Variants in ATP13A4 observed in about 807,000 individuals in gnomAD.
ATP13A4 encodes the protein ATPase 13A4.
Under a neutral mutation model 142.5 loss-of-function variants are expected in ATP13A4, and 114 were observed. The ratio of observed to expected loss-of-function variants is 0.80; its 90% confidence interval spans 0.69 to 0.93. ATP13A4 has a LOEUF of 0.93. ATP13A4 is among the 40% of genes least tolerant of loss of function. The pLI is 0.00. For missense variants in ATP13A4, 1,392 were observed against 1,454.0 expected (o/e 0.96, Z 0.69); for synonymous variants, 488 against 514.8 (o/e 0.95, Z 0.70).
At chr3:193,516,572 T>C (rs1426580733) in intron 1 of ATP13A4, among the ~76,000 whole-genome samples, 1 of 152,242 alleles carries the variant, frequency 6.6e-6, no homozygotes, top group Admixed American at 6.5e-5. Flanking sequence ...TCCTTACTTG[T>C]CCTGAGTCCA....
chr3:193,462,710 T>A, intron 13 of ATP13A4, 52 bp downstream of exon 13: 1 of 1,547,770 alleles, frequency 6.5e-7, no homozygotes, highest in South Asian at 1.1e-5. Flanking sequence ...ACACGGAATT[T>A]TGGAAAAAGA....
At chr3:193,476,743 G>A (rs1458815804) in intron 8 of ATP13A4, among the ~76,000 whole-genome samples, 1 of 151,934 alleles carries the variant, frequency 6.6e-6, no homozygotes, top group East Asian at 1.9e-4. Context: ...TTTTAATACT[G>A]TTGGGTCACA....
In ATP13A4 at chr3:193,499,134, C is replaced by T. The variant is rs74513858; in HGVS notation, c.381+3359G>A. ...AAGTTACCAAATAGCATGTAAAATG[C>T]TGTATTTTTTTATTTTACAGAATGG... On this transcript the variant is annotated intron_variant, in intron 3 of 29. Transcript: ENST00000342695. Among the ~76,000 whole-genome samples, 847 of 152,264 alleles carry T rather than the reference C, an allele frequency of 5.6e-3. 8 individuals are homozygous for T. Among genetic ancestry groups the T allele is most frequent in the Non-Finnish European group, 9.7e-3 (659 of 68,002 alleles).
intron 2 of ATP13A4, among the ~76,000 whole-genome samples, chr3:193,564,100 G>C (rs1448672999): frequency 1.3e-5 from 2 of 152,210 alleles, no homozygotes; most frequent in Non-Finnish European, 2.9e-5. Flanking sequence ...ATTGCTCGAA[G>C]AGTATCAGCC....
chr3:193,511,679 C>A (rs1577037340), intron 2 of ATP13A4, among the ~76,000 whole-genome samples: 1 of 152,178 alleles, frequency 6.6e-6, no homozygotes, highest in Non-Finnish European at 1.5e-5. Flanking sequence ...CTCACACTAG[C>A]CCCATTTTAC....
chr3:193,419,906 G>A (rs367801794), intron 25 of ATP13A4, among the ~76,000 whole-genome samples: 12 of 150,016 alleles, frequency 8.0e-5, no homozygotes, highest in South Asian at 6.3e-4. Context: ...TGCTGTTGCC[G>A]TACCCCAGCT....
At chr3:193,471,674 TCA>T (rs3052495) in intron 8 of ATP13A4, among the ~76,000 whole-genome samples, 11 of 150,582 alleles carry the variant, frequency 7.3e-5, no homozygotes, top group East Asian at 5.9e-4. Flanking sequence ...TATTGTCACT[TCA>T]CACACACACA....
intron 1 of ATP13A4, among the ~76,000 whole-genome samples, chr3:193,583,118 A>C (rs1724601965): frequency 6.6e-6 from 1 of 151,392 alleles, no homozygotes; most frequent in Non-Finnish European, 1.5e-5. Context: ...AGTTATGGTC[A>C]ATACGTACTT....
At chr3:193,533,951 G>A (rs1031169495) in intron 1 of ATP13A4, among the ~76,000 whole-genome samples, 3 of 152,164 alleles carry the variant, frequency 2.0e-5, no homozygotes, top group African/African-American at 4.8e-5. Flanking sequence ...CTCTGTGCTC[G>A]AAGGGATGTT....
intron 1 of ATP13A4, among the ~76,000 whole-genome samples, chr3:193,524,111 T>A (rs1721873738): frequency 6.6e-6 from 1 of 152,224 alleles, no homozygotes; most frequent in Non-Finnish European, 1.5e-5. Flanking sequence ...CTTTTCTTTA[T>A]AAATTACCCA....
At chr3:193,469,565 T>G (rs1484601321) in intron 9 of ATP13A4, among the ~76,000 whole-genome samples, 1 of 152,136 alleles carries the variant, frequency 6.6e-6, no homozygotes, top group African/African-American at 2.4e-5. Context: ...GAGGCAGAGA[T>G]TGCAGTGAGC....
At chr3:193,467,704 T>TA (rs1718385387) in intron 9 of ATP13A4, among the ~76,000 whole-genome samples, 1 of 152,168 alleles carries the variant, frequency 6.6e-6, no homozygotes, top group African/African-American at 2.4e-5. Flanking sequence ...ATAAGTATAA[T>TA]ACAGTATTAT....
chr3:193,432,425 C>A (rs896967403), intron 25 of ATP13A4, among the ~76,000 whole-genome samples: 5 of 152,040 alleles, frequency 3.3e-5, no homozygotes, highest in African/African-American at 1.2e-4. Flanking sequence ...TATTTCCACT[C>A]AAAAATCTGC....
intron 7 of ATP13A4, 49 bp from the exon 8 acceptor site, chr3:193,484,054 T>G (rs375001461): frequency 6.8e-6 from 10 of 1,477,454 alleles, no homozygotes; most frequent in Admixed American, 3.3e-5. Flanking sequence ...GAGCATAGTT[T>G]CTAGGTATTA....
intron 1 of ATP13A4, among the ~76,000 whole-genome samples, chr3:193,518,993 G>T (rs1366408365): frequency 6.6e-6 from 1 of 152,110 alleles, no homozygotes; most frequent in Admixed American, 6.5e-5. Flanking sequence ...GGCATCTGGT[G>T]CTCAGAGGCA....
At chr3:193,472,912 C>T (rs531611125) in intron 8 of ATP13A4, among the ~76,000 whole-genome samples, 2 of 152,058 alleles carry the variant, frequency 1.3e-5, no homozygotes, top group African/African-American at 4.8e-5. Flanking sequence ...ATAGTAGATT[C>T]CAATGAAAAA....
chr3:193,474,443 G>A (rs147435678), intron 8 of ATP13A4, among the ~76,000 whole-genome samples: 1 of 150,440 alleles, frequency 6.6e-6, no homozygotes, highest in Non-Finnish European at 1.5e-5. Flanking sequence ...AGCTGAGGTA[G>A]GAGGATTACT....
chr3:193,593,107 G>A (rs1724895720), exon 1 of ATP13A4: 3 of 418,424 alleles, frequency 7.2e-6, no homozygotes, highest in Non-Finnish European at 1.3e-5. Context: ...CGTTCCCGAC[G>A]CACTGTGCGC....
chr3:193,402,983 G>A, intron 29 of ATP13A4, 119 bp from the exon 30 acceptor site: 1 of 925,456 alleles, frequency 1.1e-6, no homozygotes, highest in Admixed American at 2.0e-5. Context: ...TTGACAAAGA[G>A]CTTGACCACT....
Sources: allele counts gnomAD v4.1 joint callset (sites outside exome capture counted in the v4.1 genomes callset), GRCh38; gene constraint gnomAD v4.1.1; transcripts MANE v1.5; gene names NCBI Gene and HGNC (gene_info 2026-07-23, HGNC 2026-07-21).